The following CENPP variants were observed in gnomAD, a reference collection of about 807,000 sequenced individuals.
CENPP encodes centromere protein P.
A neutral mutation model predicts 35.6 loss-of-function variants in CENPP; 24 were observed. That is an observed-to-expected ratio of 0.67 (90% CI 0.49 to 0.95). The LOEUF is 0.95. CENPP is among the 40% of genes least tolerant of loss of function. The pLI is 0.00. For missense variants in CENPP, 332 were observed against 345.3 expected (o/e 0.96, Z 0.31); for synonymous variants, 120 against 125.5 (o/e 0.96, Z 0.29).
intron 5 of CENPP, chr9:92,386,307 A>G (rs745832224): frequency 5.1e-6 from 8 of 1,569,294 alleles, no homozygotes; most frequent in Non-Finnish European, 6.1e-6. Context: ...CTGTAAGGAA[A>G]ATTTCATGTG....
intron 5 of CENPP, among the ~76,000 whole-genome samples, chr9:92,512,777 G>A (rs1847433539): frequency 6.6e-6 from 1 of 152,180 alleles, no homozygotes; most frequent in Non-Finnish European, 1.5e-5. Context: ...TACCATAAAA[G>A]CCACGTGGTG....
rs1844277499 is a variant in CENPP at position 92,437,502 on chromosome 9, T to A, written c.564+57643T>A. Among the ~76,000 whole-genome samples the A allele has an allele frequency of 2.0e-5, 3 of 149,662 alleles. No individual in the cohort carries two copies. In the South Asian group the frequency reaches 6.5e-4, roughly 33 times the overall value. On this transcript the variant is annotated intron_variant, in intron 5 of 7. Transcript: ENST00000375587. ...TTGGTTCACTGAAGCTTCTGCCTCCTGGGCTCAAGTAATCCTCCCACCTCA... is the reference window on the plus strand; with the variant it reads ...TTGGTTCACTGAAGCTTCTGCCTCCAGGGCTCAAGTAATCCTCCCACCTCA...
At chr9:92,503,054 C>T (rs180697285) in intron 5 of CENPP, among the ~76,000 whole-genome samples, 296 of 152,050 alleles carry the variant, frequency 1.9e-3, no homozygotes, top group African/African-American at 6.8e-3. Context: ...GTGATCTACC[C>T]GCCTCGGCCT....
intron 5 of CENPP, among the ~76,000 whole-genome samples, chr9:92,423,568 T>G (rs892322611): frequency 6.6e-6 from 1 of 152,126 alleles, no homozygotes; most frequent in Non-Finnish European, 1.5e-5. Flanking sequence ...TTTTATAAAA[T>G]TTTTTTGCTA....
chr9:92,525,069 T>C (rs960534043), intron 5 of CENPP, among the ~76,000 whole-genome samples: 9 of 152,052 alleles, frequency 5.9e-5, no homozygotes, highest in African/African-American at 1.7e-4. Flanking sequence ...CCCAGCCCTA[T>C]AGGAGGCCGA....
intron 4 of CENPP, among the ~76,000 whole-genome samples, chr9:92,366,429 G>T (rs893875805): frequency 6.6e-6 from 1 of 152,082 alleles, no homozygotes; most frequent in Non-Finnish European, 1.5e-5. Context: ...CCACCCTCTA[G>T]ACATAAAATT....
At chr9:92,514,533 T>A in intron 5 of CENPP, 6 of 1,458,936 alleles carry the variant, frequency 4.1e-6, no homozygotes, top group South Asian at 1.5e-5. Flanking sequence ...CCTCAGCCTT[T>A]CAAAGTGCTG....
intron 3 of CENPP, among the ~76,000 whole-genome samples, 153 bp from the exon 4 acceptor site, chr9:92,345,546 A>C (rs1454641190): frequency 6.6e-6 from 1 of 150,492 alleles, no homozygotes; most frequent in Non-Finnish European, 1.5e-5. Context: ...AATTATTATT[A>C]GTGAGATTGA....
At chr9:92,440,197 C>A (rs1451280557) in intron 5 of CENPP, among the ~76,000 whole-genome samples, 14 of 152,076 alleles carry the variant, frequency 9.2e-5, no homozygotes, top group Non-Finnish European at 1.2e-4. Context: ...GTCATGGTAT[C>A]CCAGCACTTA....
Position 92,476,873 on chromosome 9 carries a change from G to C in CENPP, c.564+97014G>C, listed in dbSNP as rs898421787. On this transcript the variant is annotated intron_variant, in intron 5 of 7. Coordinates refer to ENST00000375587, the MANE Select transcript of CENPP (RefSeq NM_001012267.3). This position sits in a 1 kb window ranked among gnomAD's most constrained non-coding sequence, Gnocchi z 4.1. ...TGCTGCCTTCTGCTCCAGCTCATGT[G>C]GGGGGACTCAGTTGTTTTATCCAGA... Among the ~76,000 whole-genome samples, 12 of 152,126 alleles carry C rather than the reference G, an allele frequency of 7.9e-5. No individual in the cohort carries two copies. Among genetic ancestry groups the C allele is most frequent in the African/African-American group, 2.9e-4 (12 of 41,418 alleles).
chr9:92,584,714 G>A (rs1850502876), intron 5 of CENPP, among the ~76,000 whole-genome samples: 1 of 152,166 alleles, frequency 6.6e-6, no homozygotes, highest in Non-Finnish European at 1.5e-5. Context: ...CTTGGGCCAA[G>A]TGTCTTCCCT....
intron 5 of CENPP, among the ~76,000 whole-genome samples, chr9:92,514,274 CTTT>C (rs1044226766): frequency 8.4e-5 from 11 of 130,728 alleles, no homozygotes; most frequent in Middle Eastern, 3.5e-3. Flanking sequence ...GAGTCATTTA[CTTT>C]TTTTTTTTTT....
intron 5 of CENPP, among the ~76,000 whole-genome samples, chr9:92,519,570 CTT>C (rs1847935912): frequency 6.6e-6 from 1 of 152,218 alleles, no homozygotes; most frequent in Non-Finnish European, 1.5e-5. Context: ...AAAGAACAAT[CTT>C]CAACAACTAG....
chr9:92,505,216 T>C (rs1310526777), intron 5 of CENPP, among the ~76,000 whole-genome samples: 2 of 152,230 alleles, frequency 1.3e-5, no homozygotes, highest in Non-Finnish European at 2.9e-5. Flanking sequence ...TGGGGCAGTT[T>C]ACACTGTCTT....
chr9:92,568,132 A>G (rs1162236625), intron 5 of CENPP, among the ~76,000 whole-genome samples: 2 of 152,140 alleles, frequency 1.3e-5, no homozygotes, highest in African/African-American at 4.8e-5. Flanking sequence ...CATGTGCACA[A>G]CATGCAGGTT....
chr9:92,433,671 C>T (rs1844174162), intron 5 of CENPP, among the ~76,000 whole-genome samples: 1 of 152,170 alleles, frequency 6.6e-6, no homozygotes, highest in East Asian at 1.9e-4. Flanking sequence ...TAGCTCACGG[C>T]CTATAATCCC....
intron 5 of CENPP, among the ~76,000 whole-genome samples, chr9:92,396,103 C>T (rs1344205964): frequency 6.6e-6 from 1 of 152,110 alleles, no homozygotes; most frequent in Non-Finnish European, 1.5e-5. Flanking sequence ...TCTTTCAGCA[C>T]CGTTTTTTAA....
chr9:92,518,066 C>G (rs770748540), intron 5 of CENPP, among the ~76,000 whole-genome samples: 3 of 152,216 alleles, frequency 2.0e-5, no homozygotes, highest in Non-Finnish European at 4.4e-5. Flanking sequence ...GCTCTCCTCT[C>G]AGCCCTTTCA....
intron 5 of CENPP, chr9:92,496,103 C>A (rs1846331323): frequency 1.7e-6 from 2 of 1,182,048 alleles, no homozygotes. Flanking sequence ...AGGTAGGAAA[C>A]TGAGAGATTT....
Sources: gnomAD v4.1 joint callset for allele counts (sites outside exome capture counted in the v4.1 genomes callset) on GRCh38, gnomAD v4.1.1 for gene constraint, Gnocchi (gnomAD v3.1) non-coding constraint, MANE v1.5 for transcripts, NCBI Gene and HGNC (gene_info 2026-07-23, HGNC 2026-07-21) for gene names.